The following COL15A1 variants were observed in gnomAD, a reference collection of about 807,000 sequenced individuals.
COL15A1 encodes the protein collagen type XV alpha 1 chain, also known as collagen alpha-1(XV) chain.
A neutral mutation model predicts 165.9 loss-of-function variants in COL15A1; 111 were observed. The observed-to-expected ratio is 0.67, with a 90% confidence interval of 0.57 to 0.78. The LOEUF is 0.78. COL15A1 is among the 30% of genes least tolerant of loss of function. The pLI, the probability that COL15A1 is intolerant of heterozygous loss-of-function variation, is 0.00. For missense variants in COL15A1, 1,745 were observed against 1,789.7 expected (o/e 0.98, Z 0.45); for synonymous variants, 659 against 674.8 (o/e 0.98, Z 0.36).
intron 23 of COL15A1, chr9:99,041,134 G>T (rs184588406): frequency 6.5e-6 from 1 of 153,358 alleles, no homozygotes; most frequent in East Asian, 1.9e-4. Flanking sequence ...TAAGGAGGGG[G>T]CCAAATAGGC....
At chr9:99,021,523 C>G (rs1441896462) in intron 12 of COL15A1, among the ~76,000 whole-genome samples, 2 of 152,230 alleles carry the variant, frequency 1.3e-5, no homozygotes, top group African/African-American at 4.8e-5. Context: ...GCCACTCTGT[C>G]ATTTTCTTTC....
intron 17 of COL15A1, 37 bp downstream of exon 17, chr9:99,034,621 T>TTTCTCC: frequency 2.3e-6 from 3 of 1,329,788 alleles, no homozygotes; most frequent in African/African-American, 2.5e-5. Flanking sequence ...AAAAGAACTT[T>TTTCTCC]CTTCTCCCTC....
intron 3 of COL15A1, 40 bp downstream of exon 3, chr9:98,986,152 A>T (rs1838310318): frequency 6.7e-7 from 1 of 1,487,484 alleles, no homozygotes; most frequent in Admixed American, 1.8e-5. Flanking sequence ...AGGGAGGTGG[A>T]TGAACAGACT....
chr9:99,000,966 A>G lies in COL15A1; in HGVS notation c.1065+15A>G. On this transcript the variant is annotated intron_variant, in intron 7 of 41. Transcript: ENST00000375001. ...CTGAAGAAAAGGTGAGTAGATGGTA[A>G]ATTTCATTTGATTAGTCAGTAGTAG... 1 of 1,176,194 alleles carries G rather than the reference A, an allele frequency of 8.5e-7. No individual in the cohort carries two copies. The highest frequency in any genetic ancestry group is 1.3e-6 in the Non-Finnish European group (1 of 779,648). The allele number at this position is 1,176,194 out of a possible 1,614,324, so 72.9% of individuals were successfully genotyped here.
chr9:98,943,921 C>CGCCGCT lies in COL15A1; in HGVS notation c.-136_-131dup, dbSNP rs1837529892. ...CGGGAGCCGGGATTCTGCCCGCCGC[C>CGCCGCT]GCCGCTGCCGAGCGCCGCCTTTGTT... On this transcript the variant is annotated 5_prime_UTR_variant, in exon 1 of 42. Transcript: ENST00000375001. The CGCCGCT allele has an allele frequency of 2.3e-5, 26 of 1,140,258 alleles. No individual in the cohort carries two copies. In the South Asian group the frequency reaches 4.5e-4, roughly 20 times the overall value. 70.6% of individuals were successfully genotyped at this position (1,140,258 alleles called of 1,614,324 possible).
intron 2 of COL15A1, among the ~76,000 whole-genome samples, chr9:98,983,027 C>G (rs936049060): frequency 6.6e-6 from 1 of 152,140 alleles, no homozygotes; most frequent in African/African-American, 2.4e-5. Context: ...GCTAATTACT[C>G]GCTTTTTTTA....
intron 2 of COL15A1, among the ~76,000 whole-genome samples, chr9:98,973,336 G>A (rs1838092289): frequency 6.6e-6 from 1 of 152,176 alleles, no homozygotes; most frequent in Admixed American, 6.5e-5. Flanking sequence ...ATGAAAACCG[G>A]AAAAGAGAAG....
intron 24 of COL15A1, among the ~76,000 whole-genome samples, 190 bp from the exon 25 acceptor site, chr9:99,044,378 C>T (rs1222900036): frequency 2.0e-5 from 3 of 152,022 alleles, no homozygotes; most frequent in African/African-American, 7.2e-5. Context: ...GAGGCTGTTG[C>T]AATACTCTAG....
intron 2 of COL15A1, among the ~76,000 whole-genome samples, chr9:98,973,637 G>A (rs1838097009): frequency 6.6e-6 from 1 of 152,202 alleles, no homozygotes; most frequent in South Asian, 2.1e-4. Flanking sequence ...AGCCTGGGTG[G>A]GGCTGAGTTT....
At chr9:99,040,643 T>C in intron 23 of COL15A1, 87 bp downstream of exon 23, 1 of 1,606,908 alleles carries the variant, frequency 6.2e-7, no homozygotes, top group South Asian at 1.1e-5. Flanking sequence ...TTCCTCCATC[T>C]ATGCATGACT....
intron 2 of COL15A1, among the ~76,000 whole-genome samples, chr9:98,954,812 G>A (rs182017430): frequency 2.5e-4 from 38 of 152,258 alleles, no homozygotes; most frequent in African/African-American, 7.9e-4. Flanking sequence ...TTACTGCTGT[G>A]TCTCTAACCC....
chr9:99,056,796 G>T (rs975728002), intron 35 of COL15A1, among the ~76,000 whole-genome samples: 5 of 152,072 alleles, frequency 3.3e-5, no homozygotes, highest in African/African-American at 9.7e-5. Context: ...CATATAAATG[G>T]AATCATATAA....
chr9:98,988,026 G>A (rs932270455), intron 4 of COL15A1, among the ~76,000 whole-genome samples: 1 of 152,220 alleles, frequency 6.6e-6, no homozygotes, highest in African/African-American at 2.4e-5. Flanking sequence ...AGCCAGTTAG[G>A]GAGCAGGTGA....
At chr9:99,058,400 G>T (rs1825759713) in intron 35 of COL15A1, among the ~76,000 whole-genome samples, 1 of 152,130 alleles carries the variant, frequency 6.6e-6, no homozygotes, top group Non-Finnish European at 1.5e-5. Flanking sequence ...AAGGAGATGA[G>T]GACACTGGTC....
chr9:98,954,831 C>CA (rs574817655), intron 2 of COL15A1, among the ~76,000 whole-genome samples: 12 of 152,200 alleles, frequency 7.9e-5, no homozygotes, highest in Non-Finnish European at 1.3e-4. Context: ...CCAAAAGGAG[C>CA]AAATGACAAC....
chr9:99,061,918 G>A (rs1046886786), intron 36 of COL15A1, 53 bp from the exon 37 acceptor site: 2 of 1,577,550 alleles, frequency 1.3e-6, no homozygotes, highest in Admixed American at 1.8e-5. Context: ...TTATCAGATG[G>A]TGCCATTCCT....
At chr9:99,063,010 G>A in intron 38 of COL15A1, 40 bp from the exon 39 acceptor site, 1 of 1,576,898 alleles carries the variant, frequency 6.3e-7, no homozygotes, top group Non-Finnish European at 8.6e-7. Flanking sequence ...CAGATTGAAT[G>A]CATATTCAGA....
At chr9:99,047,706 C>T in intron 26 of COL15A1, 80 bp from the exon 27 acceptor site, 1 of 1,464,418 alleles carries the variant, frequency 6.8e-7, no homozygotes, top group Non-Finnish European at 9.6e-7. Flanking sequence ...CCACTGCCTG[C>T]AAAAGCGGGC....
intron 6 of COL15A1, among the ~76,000 whole-genome samples, chr9:98,998,956 A>G (rs1308022120): frequency 6.6e-6 from 1 of 152,210 alleles, no homozygotes; most frequent in Non-Finnish European, 1.5e-5. Context: ...CCCTGACACC[A>G]TCGTGACCCG....
Sources: gnomAD v4.1 joint callset for allele counts (sites outside exome capture counted in the v4.1 genomes callset) on GRCh38, gnomAD v4.1.1 for gene constraint, MANE v1.5 for transcripts, NCBI Gene and HGNC (gene_info 2026-07-23, HGNC 2026-07-21) for gene names.